The following IL18RAP variants were observed in gnomAD, a reference collection of about 807,000 sequenced individuals.
IL18RAP encodes interleukin 18 receptor accessory protein.
A neutral mutation model predicts 58.1 loss-of-function variants in IL18RAP; 37 were observed. The observed-to-expected ratio is 0.64, with a 90% CI of 0.49 to 0.84. The LOEUF (loss-of-function observed/expected upper bound fraction) is 0.84. IL18RAP is among the 40% of genes least tolerant of loss of function. The probability of loss-of-function intolerance (pLI) is 0.00; values close to 1 mark genes in which losing one functional copy is unlikely to be tolerated. For synonymous variants in IL18RAP, 268 were observed against 257.5 expected (o/e 1.04, Z -0.39); for missense variants, 667 against 704.8 (o/e 0.95, Z 0.61).
chr2:102,433,569 G>A (rs150177717), intron 3 of IL18RAP, among the ~76,000 whole-genome samples: 7 of 150,196 alleles, frequency 4.7e-5, no homozygotes, highest in African/African-American at 7.4e-5. Flanking sequence ...TCTCTTTGTC[G>A]CCTAGGCTAG....
At chr2:102,437,599 T>A (rs1167569167) in intron 4 of IL18RAP, among the ~76,000 whole-genome samples, 1 of 152,218 alleles carries the variant, frequency 6.6e-6, no homozygotes, top group Non-Finnish European at 1.5e-5. Context: ...CCTGATTTGC[T>A]TTTGTAATAA....
At position 102,423,514 on chromosome 2, in the gene IL18RAP, A is replaced by T. The variant is rs150246566; in HGVS notation, c.70+167A>T. ...TTAGGGTGAACAGCTTTCAGCTGATACCAAGCATTGTCGAGGTACCCTGTT... is the reference window on the plus strand; with the variant it reads ...TTAGGGTGAACAGCTTTCAGCTGATTCCAAGCATTGTCGAGGTACCCTGTT... On this transcript the variant is annotated intron_variant, in intron 1 of 9. Coordinates refer to ENST00000687160, the MANE Select transcript of IL18RAP (RefSeq NM_001393487.1). 6.4e-3 allele frequency among the ~76,000 whole-genome samples: 974 copies of T among 152,324 alleles called. 10 individuals carry two copies. The highest frequency in any genetic ancestry group is 0.022 in the African/African-American group (929 of 41,576).
At position 102,437,245 on chromosome 2, in the gene IL18RAP, C is replaced by G. The variant is rs369615964; in HGVS notation, c.613C>G (p.Arg205Gly). ...GKLLSVERSN[R>G]IVVDEVYDYH... ...ACTCCTCTCTGTGGAAAGGAGCAAC[C>G]GAATCGTAGTGGATGAAGTTTATGA... Residue 205 changes from arginine to glycine, a missense_variant, in exon 4 of 10, where the codon CGA (arginine) becomes GGA (glycine). Coordinates refer to ENST00000687160, the MANE Select transcript of IL18RAP (RefSeq NM_001393487.1). 1 of 1,611,968 alleles carries G rather than the reference C, an allele frequency of 6.2e-7. No individual in the cohort carries two copies. The highest frequency in any genetic ancestry group is 1.1e-5 in the South Asian group (1 of 90,550).
intron 7 of IL18RAP, among the ~76,000 whole-genome samples, chr2:102,446,052 C>A (rs1192079059): frequency 3.3e-5 from 5 of 152,262 alleles, no homozygotes; most frequent in African/African-American, 1.2e-4. Context: ...GGAGATCCCT[C>A]GTGTCAGGTA....
At position 102,451,780 on chromosome 2, in the gene IL18RAP, A is replaced by G. The variant is rs752009075; in HGVS notation, c.1399A>G (p.Ile467Val). The change falls in exon 10 of 10, where the codon ATT (isoleucine) becomes GTT (valine). Residue 467 changes from isoleucine to valine, a missense_variant. Physicochemically the swap from Ile to Val is conservative, Grantham distance 29 (BLOSUM62 3). Transcript: ENST00000687160. The part of the protein sequence containing the change: ...VAPGGVYAED[I>V]VSIIKRSRRG... ...TTTATTTCCAGTGTATGCAGAAGAC[A>G]TTGTGAGCATTATTAAGAGAAGCAG... 21 of 1,611,692 alleles carry G rather than the reference A, an allele frequency of 1.3e-5. No homozygotes were observed. Among genetic ancestry groups the G allele is most frequent in the Non-Finnish European group, 1.8e-5 (21 of 1,178,400 alleles).
chr2:102,445,362 G>T (rs765812475), intron 7 of IL18RAP, 22 bp downstream of exon 7: 3 of 1,610,902 alleles, frequency 1.9e-6, no homozygotes, highest in Non-Finnish European at 2.5e-6. Context: ...AGGTTGCCCA[G>T]GAGGCATGAA....
intron 1 of IL18RAP, among the ~76,000 whole-genome samples, 180 bp downstream of exon 1, chr2:102,423,527 G>A (rs1360616485): frequency 2.6e-5 from 4 of 152,140 alleles, no homozygotes; most frequent in South Asian, 2.1e-4. Context: ...AAGCATTGTC[G>A]AGGTACCCTG....
chr2:102,450,112 C>T (rs1683670131), intron 8 of IL18RAP, among the ~76,000 whole-genome samples: 1 of 30,558 alleles, frequency 3.3e-5, no homozygotes, highest in African/African-American at 1.3e-4. Flanking sequence ...TGATGTATCC[C>T]ATTCCGAAGC....
intron 8 of IL18RAP, among the ~76,000 whole-genome samples, chr2:102,447,903 G>C (rs1683529337): frequency 6.6e-6 from 1 of 152,018 alleles, no homozygotes; most frequent in African/African-American, 2.4e-5. Flanking sequence ...GCTATTGTTT[G>C]TGTTTTTAGT....
Position 102,424,258 on chromosome 2 carries a change from C to T in IL18RAP, c.423C>T (p.Val141=). ...GCCCCTATGATGTAGCCTGTTGTGT[C>T]AAGATGATTTTAGAAGTTAAGCCCC... ...IKSPYDVACC[V]KMILEVKPQT... is the part of the protein sequence containing the mutation. Residue 141 remains valine (V), a synonymous_variant, in exon 3 of 10, where the codon GTC becomes GTT. Transcript: ENST00000687160. 6.2e-7 allele frequency: 1 copy of T among 1,613,988 alleles called. No individual in the cohort carries two copies.
intron 3 of IL18RAP, chr2:102,434,358 A>G (rs1682592664): frequency 1.3e-5 from 2 of 152,210 alleles, no homozygotes; most frequent in Admixed American, 1.3e-4. Flanking sequence ...TTTGTAGAGT[A>G]GAATTTGTAA....
chr2:102,443,028 A>C (rs960006377), intron 5 of IL18RAP, among the ~76,000 whole-genome samples, 172 bp from the exon 6 acceptor site: 1 of 152,214 alleles, frequency 6.6e-6, no homozygotes, highest in Non-Finnish European at 1.5e-5. Flanking sequence ...ACCTGGTTTT[A>C]TGCATTTCTG....
chr2:102,424,674 G>C (rs1381566274), intron 3 of IL18RAP, among the ~76,000 whole-genome samples: 1 of 152,094 alleles, frequency 6.6e-6, no homozygotes, highest in African/African-American at 2.4e-5. Flanking sequence ...TTACACATGA[G>C]GTTAGACATA....
chr2:102,423,225 A>G lies in IL18RAP; in HGVS notation c.-53A>G. ...AGAGTTCTGAATCTCAAAACACTCT[A>G]CTCTGGCAAAGGAATGAAGTTATTG... On this transcript the variant is annotated 5_prime_UTR_variant, in exon 1 of 10. Transcript: ENST00000687160. 6.5e-7 allele frequency: 1 copy of G among 1,531,256 alleles called. No homozygotes were observed. Among genetic ancestry groups the G allele is most frequent in the Non-Finnish European group, 9.1e-7 (1 of 1,104,788 alleles). 94.9% of individuals were successfully genotyped at this position (1,531,256 alleles called of 1,614,324 possible).
chr2:102,433,681 G>A, intron 3 of IL18RAP, among the ~76,000 whole-genome samples: 1 of 152,088 alleles, frequency 6.6e-6, no homozygotes, highest in East Asian at 1.9e-4. Flanking sequence ...AAGTAGCTGG[G>A]ATTACAGGTG....
chr2:102,421,354 A>G (rs1312192253), upstream of IL18RAP, among the ~76,000 whole-genome samples: 1 of 152,220 alleles, frequency 6.6e-6, no homozygotes, highest in Non-Finnish European at 1.5e-5. Flanking sequence ...TGAGAGAGCC[A>G]AACGCTACAG....
intron 3 of IL18RAP, among the ~76,000 whole-genome samples, chr2:102,426,653 C>T (rs1445695677): frequency 6.6e-6 from 1 of 151,340 alleles, no homozygotes; most frequent in African/African-American, 2.4e-5. Context: ...ATACCACATG[C>T]AAAAAAAAGT....
intron 8 of IL18RAP, among the ~76,000 whole-genome samples, chr2:102,450,193 A>G (rs999083594): frequency 0.011 from 2 of 190 alleles, no homozygotes; most frequent in African/African-American, 0.024. Flanking sequence ...ATATGCATTT[A>G]TGAAGTATGC....
intron 9 of IL18RAP, 60 bp downstream of exon 9, chr2:102,451,081 A>G (rs1683736038): frequency 7.3e-7 from 1 of 1,365,492 alleles, no homozygotes; most frequent in African/African-American, 1.5e-5. Context: ...TGCAATCCCC[A>G]AGTCTTTTTT....
Sources: gnomAD v4.1 joint callset for allele counts (sites outside exome capture counted in the v4.1 genomes callset) on GRCh38, gnomAD v4.1.1 for gene constraint, MANE v1.5 for transcripts, NCBI Gene and HGNC (gene_info 2026-07-23, HGNC 2026-07-21) for gene names.